Variants in MVB12B observed in about 807,000 individuals in gnomAD.
MVB12B encodes multivesicular body subunit 12B.
Under a neutral mutation model 41.6 loss-of-function variants are expected in MVB12B, and 16 were observed. That is an observed-to-expected ratio of 0.38 (90% CI 0.26 to 0.58). MVB12B has a LOEUF of 0.58. MVB12B is among the 20% of genes least tolerant of loss of function. The probability of loss-of-function intolerance (pLI) is 0.62; values close to 1 mark genes in which losing one functional copy is unlikely to be tolerated. For synonymous variants in MVB12B, 133 were observed against 139.7 expected (o/e 0.95, Z 0.34); for missense variants, 274 against 380.2 (o/e 0.72, Z 2.32).
intron 3 of MVB12B, among the ~76,000 whole-genome samples, chr9:126,384,125 A>T (rs971594650): frequency 6.6e-6 from 1 of 152,140 alleles, no homozygotes. Flanking sequence ...AGATTAGACC[A>T]GGCGACTCTG....
intron 7 of MVB12B, among the ~76,000 whole-genome samples, chr9:126,422,842 C>T (rs1410428890): frequency 2.0e-5 from 3 of 152,136 alleles, no homozygotes; most frequent in Admixed American, 6.5e-5. Context: ...TAGTTTTTCT[C>T]GTTATGATCA....
chr9:126,496,463 C>A (rs1308793161), intron 9 of MVB12B, among the ~76,000 whole-genome samples: 1 of 145,444 alleles, frequency 6.9e-6, no homozygotes, highest in East Asian at 2.0e-4. Flanking sequence ...CCGCTACCCA[C>A]CCACTGTTCA....
intron 7 of MVB12B, among the ~76,000 whole-genome samples, chr9:126,423,366 G>T (rs772468870): frequency 6.6e-6 from 1 of 152,208 alleles, no homozygotes; most frequent in Non-Finnish European, 1.5e-5. Context: ...CTATGGTTTG[G>T]CAGGAACACT....
rs75193224 is a variant in MVB12B at position 126,499,156 on chromosome 9, C to T, written c.874-4021C>T. Among the ~76,000 whole-genome samples the T allele has an allele frequency of 1.2e-4, 18 of 152,282 alleles. No homozygotes were observed. In the East Asian group the frequency reaches 3.5e-3, roughly 30 times the overall value. ...GCAGTTGGCACCTTCTATCACAGGACACTGACCTCACTATGAGAAAAGGCT... is the reference window on the plus strand; with the variant it reads ...GCAGTTGGCACCTTCTATCACAGGATACTGACCTCACTATGAGAAAAGGCT... On this transcript the variant is annotated intron_variant, in intron 9 of 9. Coordinates refer to ENST00000361171, the MANE Select transcript of MVB12B (RefSeq NM_033446.3).
intron 2 of MVB12B, among the ~76,000 whole-genome samples, chr9:126,357,757 T>C (rs897206726): frequency 6.6e-6 from 1 of 152,228 alleles, no homozygotes; most frequent in Non-Finnish European, 1.5e-5. Flanking sequence ...ATGAACTATT[T>C]TCTCCCAGTC....
intron 7 of MVB12B, among the ~76,000 whole-genome samples, chr9:126,438,272 A>G (rs183213999): frequency 1.2e-4 from 19 of 152,348 alleles, no homozygotes; most frequent in Non-Finnish European, 2.1e-4. Flanking sequence ...TTGAAGAAGG[A>G]AAAACCCAGA....
Position 126,384,259 on chromosome 9 carries a change from G to A in MVB12B, c.313-2303G>A, listed in dbSNP as rs192786526. Among the ~76,000 whole-genome samples, 175 of 152,148 alleles carry A rather than the reference G, an allele frequency of 1.2e-3. 1 individual carries two copies. Among genetic ancestry groups the A allele is most frequent in the Admixed American group, 7.9e-4 (12 of 15,264 alleles). On this transcript the variant is annotated intron_variant, in intron 3 of 9. Transcript: ENST00000361171. ...AGGCTGCACTGTACATTGTCTTCCCGAGGCCCAGCTACCTGGAATGTCAGA... is the reference window on the plus strand; with the variant it reads ...AGGCTGCACTGTACATTGTCTTCCCAAGGCCCAGCTACCTGGAATGTCAGA...
chr9:126,341,568 C>A (rs1452818684), intron 2 of MVB12B, among the ~76,000 whole-genome samples: 1 of 152,236 alleles, frequency 6.6e-6, no homozygotes, highest in Non-Finnish European at 1.5e-5. Context: ...TGATGTCCTG[C>A]AGTGAGGAGA....
chr9:126,357,389 C>T lies in MVB12B; in HGVS notation c.204+16759C>T, dbSNP rs191475712. Among the ~76,000 whole-genome samples the T allele has an allele frequency of 2.0e-5, 3 of 152,290 alleles. No individual in the cohort carries two copies. In the East Asian group the frequency reaches 5.8e-4, roughly 29 times the overall value. On this transcript the variant is annotated intron_variant, in intron 2 of 9. Coordinates refer to ENST00000361171, the MANE Select transcript of MVB12B (RefSeq NM_033446.3). ...ACCTAGGAGTGGAAGGGTTGGATTG[C>T]ACAGTAGATGCATGTTTAACTTTAA...
chr9:126,441,393 A>T (rs1207544115), intron 7 of MVB12B, among the ~76,000 whole-genome samples: 1 of 152,226 alleles, frequency 6.6e-6, no homozygotes, highest in Non-Finnish European at 1.5e-5. Context: ...GGGAAAAGAG[A>T]TGAACTCAGT....
rs1177482365 is a variant in MVB12B at position 126,429,742 on chromosome 9, G to A, written c.757+7794G>A. The stretch of plus-strand genomic sequence containing the variant: ...GGATGTGCTTTTCTACATCCACCAC[G>A]GTGGCTGTGTCACTGAAGTTAATGA... On this transcript the variant is annotated intron_variant, in intron 7 of 9. Coordinates refer to ENST00000361171, the MANE Select transcript of MVB12B (RefSeq NM_033446.3). 2.6e-5 allele frequency among the ~76,000 whole-genome samples: 4 copies of A among 152,162 alleles called. No individual in the cohort carries two copies. In the East Asian group the frequency reaches 7.7e-4, roughly 29 times the overall value.
chr9:126,489,433 A>G (rs1000459643), intron 9 of MVB12B, among the ~76,000 whole-genome samples: 3 of 152,246 alleles, frequency 2.0e-5, no homozygotes, highest in Non-Finnish European at 4.4e-5. Context: ...GGGTCTCCCC[A>G]AGAGTCGTGG....
At chr9:126,499,203 A>G (rs1189128557) in intron 9 of MVB12B, among the ~76,000 whole-genome samples, 1 of 152,072 alleles carries the variant, frequency 6.6e-6, no homozygotes, top group African/African-American at 2.4e-5. Flanking sequence ...AGACTCTCGC[A>G]CCGTGGCCTG....
At position 126,364,385 on chromosome 9, in the gene MVB12B, G is replaced by C. The variant is rs529889638; in HGVS notation, c.205-16679G>C. Among the ~76,000 whole-genome samples, 4 of 152,080 alleles carry C rather than the reference G, an allele frequency of 2.6e-5. No homozygotes were observed. The South Asian group carries it at 8.3e-4, about 32-fold the overall frequency. ...CCTTGTCTTGATGGGTCTCTTTCAG[G>C]GCCCCTTTGTTAAAACCAGCAAGAA... On this transcript the variant is annotated intron_variant, in intron 2 of 9. Transcript: ENST00000361171.
rs1830484279 is a variant in MVB12B at position 126,376,512 on chromosome 9, G to C, written c.205-4552G>C. ...GGCCTGCTGGCTGGTGTGCTACACA[G>C]TGGGGCGACGAGCAGGGAGCTGGCT... On this transcript the variant is annotated intron_variant, in intron 2 of 9. Transcript: ENST00000361171. The surrounding 1 kb of genome is among the most constrained non-coding windows in gnomAD (Gnocchi z 4.1). The C allele has an allele frequency of 7.8e-7, 1 of 1,289,166 alleles. No homozygotes were observed. The highest frequency in any genetic ancestry group is 1.5e-5 in the African/African-American group (1 of 65,850). 79.9% of individuals were successfully genotyped at this position (1,289,166 alleles called of 1,614,324 possible). A position where few individuals can be genotyped will look rare whatever the true frequency, so the allele number is the denominator to read the frequency against.
At chr9:126,338,580 A>G (rs1181607830) in intron 1 of MVB12B, among the ~76,000 whole-genome samples, 2 of 151,900 alleles carry the variant, frequency 1.3e-5, no homozygotes, top group African/African-American at 4.8e-5. Context: ...TATCTTAAAA[A>G]AAAAAAAAAA....
At chr9:126,454,399 G>A (rs1832939075) in intron 7 of MVB12B, among the ~76,000 whole-genome samples, 1 of 152,198 alleles carries the variant, frequency 6.6e-6, no homozygotes, top group African/African-American at 2.4e-5. Context: ...GAGCCTAGTG[G>A]GGCAGAATTG....
At chr9:126,385,928 G>T (rs1301087865) in intron 3 of MVB12B, among the ~76,000 whole-genome samples, 1 of 152,182 alleles carries the variant, frequency 6.6e-6, no homozygotes, top group Non-Finnish European at 1.5e-5. Flanking sequence ...TTGTACACCA[G>T]TTACCGAAAC....
At chr9:126,502,111 T>C (rs1833971506) in intron 9 of MVB12B, among the ~76,000 whole-genome samples, 1 of 152,184 alleles carries the variant, frequency 6.6e-6, no homozygotes, top group South Asian at 2.1e-4. Context: ...ACTTTTCAAA[T>C]AAATACTTCA....
Sources: gnomAD v4.1 joint callset for allele counts (sites outside exome capture counted in the v4.1 genomes callset) on GRCh38, gnomAD v4.1.1 for gene constraint, Gnocchi (gnomAD v3.1) non-coding constraint, MANE v1.5 for transcripts, NCBI Gene and HGNC (gene_info 2026-07-23, HGNC 2026-07-21) for gene names.